CRISPLD2: variants seen among roughly 807,000 people sequenced by gnomAD.
CRISPLD2 encodes cysteine rich secretory protein LCCL domain containing 2.
In CRISPLD2, 47 loss-of-function variants were observed where a neutral mutation model predicts 71.1. That is an observed-to-expected ratio of 0.66 (90% CI 0.52 to 0.84). The LOEUF is 0.84. CRISPLD2 is among the 40% of genes least tolerant of loss of function. CRISPLD2 has a pLI of 0.00. For synonymous variants in CRISPLD2, 317 were observed against 250.1 expected, an observed-to-expected ratio of 1.27 and a Z score of -2.52; for missense variants, 830 against 651.1, an observed-to-expected ratio of 1.27 and a Z score of -2.99.
chr16:84,895,161 C>T lies in CRISPLD2; in HGVS notation c.1439+5798C>T, dbSNP rs1017019730. Among the ~76,000 whole-genome samples the T allele has an allele frequency of 3.9e-5, 6 of 152,180 alleles. No individual in the cohort carries two copies. In the South Asian group the frequency reaches 6.2e-4, roughly 16 times the overall value. ...CCTGCAAAGTAGGAACCGTCATTAT[C>T]CCTATTTTATCAGTAAAGGAAGGGA... On this transcript the variant is annotated intron_variant, in intron 14 of 14. Coordinates refer to ENST00000262424, the MANE Select transcript of CRISPLD2 (RefSeq NM_031476.4).
At position 84,838,688 on chromosome 16, in the gene CRISPLD2, A is replaced by C. The variant is rs762980753; in HGVS notation, c.193A>C (p.Lys65Gln). ...DKEEILMLHN[K>Q]LRGQVQPQAS... ...GGAGGAGATCCTCATGCTGCACAAC[A>C]AGCTTCGGGGCCAGGTGCAGCCTCA... The change falls in exon 2 of 15, where the codon AAG (lysine) becomes CAG (glutamine). Residue 65 changes from lysine to glutamine, a missense_variant. Lys to Gln is a moderately conservative substitution (Grantham distance 53). Transcript: ENST00000262424. 1 of 1,614,100 alleles carries C rather than the reference A, an allele frequency of 6.2e-7. No homozygotes were observed. Among genetic ancestry groups the C allele is most frequent in the Non-Finnish European group, 8.5e-7 (1 of 1,180,026 alleles).
chr16:84,889,137 C>A, intron 13 of CRISPLD2, 93 bp from the exon 14 acceptor site: 1 of 1,542,292 alleles, frequency 6.5e-7, no homozygotes, highest in Non-Finnish European at 8.9e-7. Flanking sequence ...TCCCACCAGC[C>A]AGGTTGCCCA....
At chr16:84,820,961 C>G (rs766760220) in intron 1 of CRISPLD2, among the ~76,000 whole-genome samples, 116 of 152,342 alleles carry the variant, frequency 7.6e-4, no homozygotes, top group Non-Finnish European at 1.5e-3. Context: ...CTTGCTAAGG[C>G]TGGGCTGGTG....
intron 1 of CRISPLD2, among the ~76,000 whole-genome samples, chr16:84,835,264 A>G (rs1000040452): frequency 6.6e-5 from 10 of 151,884 alleles, no homozygotes; most frequent in African/African-American, 2.4e-4. Flanking sequence ...CTGATTTTGT[A>G]TTTTTAGTAG....
At position 84,866,903 on chromosome 16, in the gene CRISPLD2, C is replaced by G. The variant is rs1288623236; in HGVS notation, c.716C>G (p.Thr239Ser). Reference sequence around the variant, plus strand: ...CTCCCTCTCCAATGTTAAGAAGAAACCTACACTCCAAAACCTGAAACGGAC... The same window carrying G: ...CTCCCTCTCCAATGTTAAGAAGAAAGCTACACTCCAAAACCTGAAACGGAC... ...CRNNLCYREETYTPKPETDEM... is the reference protein window; with the variant it reads ...CRNNLCYREESYTPKPETDEM... The change falls in exon 7 of 15, where the codon ACC (threonine) becomes AGC (serine). Residue 239 changes from threonine to serine, a missense_variant. By Grantham distance (58) the Thr-to-Ser change is moderately conservative. Transcript: ENST00000262424. The G allele has an allele frequency of 3.7e-6, 6 of 1,613,914 alleles. No homozygotes were observed. The highest frequency in any genetic ancestry group is 5.1e-6 in the Non-Finnish European group (6 of 1,179,888).
intron 5 of CRISPLD2, among the ~76,000 whole-genome samples, chr16:84,851,735 G>T (rs771932743): frequency 2.0e-5 from 3 of 152,236 alleles, no homozygotes; most frequent in Non-Finnish European, 4.4e-5. Flanking sequence ...TCCTGGCCCA[G>T]TGGCAGGTGG....
chr16:84,890,223 G>C (rs1488553724), intron 14 of CRISPLD2, among the ~76,000 whole-genome samples: 11 of 152,192 alleles, frequency 7.2e-5, no homozygotes, highest in Admixed American at 6.5e-4. Context: ...GCCAGGCGTG[G>C]TGGCACACGC....
chr16:84,855,065 G>C (rs745910928), intron 6 of CRISPLD2, among the ~76,000 whole-genome samples: 3 of 152,074 alleles, frequency 2.0e-5, no homozygotes, highest in African/African-American at 7.2e-5. Flanking sequence ...CTTCCCATGG[G>C]CATCTCCTGT....
intron 1 of CRISPLD2, among the ~76,000 whole-genome samples, chr16:84,833,267 T>C (rs1195479010): frequency 6.6e-6 from 1 of 152,170 alleles, no homozygotes; most frequent in Non-Finnish European, 1.5e-5. Flanking sequence ...GAAAGCTCTG[T>C]CCGTTCCCCT....
intron 7 of CRISPLD2, 103 bp from the exon 8 acceptor site, chr16:84,868,748 G>A: frequency 1.0e-6 from 1 of 978,844 alleles, no homozygotes; most frequent in Non-Finnish European, 1.6e-6. Context: ...GTATAGCACG[G>A]ATTGGATTGC....
At position 84,849,227 on chromosome 16, in the gene CRISPLD2, C is replaced by T. The variant is rs74250174; in HGVS notation, c.360-158C>T. On this transcript the variant is annotated intron_variant, in intron 3 of 14. Transcript: ENST00000262424. ...GGAATTGGGGGCTATTCCGCCTCCT[C>T]GGCCTCCCTCCCTCCCGGCTGCCCG... 5.0e-4 allele frequency: 356 copies of T among 715,540 alleles called. 3 individuals are homozygous for T. The East Asian group carries it at 8.5e-3, about 17-fold the overall frequency. 44.3% of individuals were successfully genotyped at this position (715,540 alleles called of 1,614,324 possible).
At chr16:84,845,633 G>GC (rs957676345) in intron 2 of CRISPLD2, among the ~76,000 whole-genome samples, 153 bp from the exon 3 acceptor site, 4 of 152,204 alleles carry the variant, frequency 2.6e-5, no homozygotes, top group East Asian at 1.9e-4. Context: ...GGCCTGCCAC[G>GC]CCCCCCTGGC....
chr16:84,864,769 C>T (rs901743196), intron 6 of CRISPLD2, among the ~76,000 whole-genome samples: 13 of 152,256 alleles, frequency 8.5e-5, no homozygotes, highest in African/African-American at 2.4e-4. Context: ...TCTGGAGGTT[C>T]GCAGCTGGTG....
intron 5 of CRISPLD2, 72 bp downstream of exon 5, chr16:84,850,755 A>C: frequency 1.6e-6 from 2 of 1,217,796 alleles, no homozygotes; most frequent in Non-Finnish European, 2.4e-6. Context: ...CACCCAGTGA[A>C]AACTGGCTTG....
At chr16:84,889,196 G>A (rs376804438) in intron 13 of CRISPLD2, 34 bp from the exon 14 acceptor site, 68 of 1,613,270 alleles carry the variant, frequency 4.2e-5, no homozygotes, top group Non-Finnish European at 5.7e-5. Flanking sequence ...GCTGGAATCC[G>A]CATCGCTGAT....
chr16:84,855,805 T>C (rs1917223979), intron 6 of CRISPLD2, among the ~76,000 whole-genome samples: 1 of 152,176 alleles, frequency 6.6e-6, no homozygotes, highest in South Asian at 2.1e-4. Context: ...ACAACCATCC[T>C]TCGTAAAACT....
At chr16:84,878,989 G>A (rs1776475368) in intron 12 of CRISPLD2, among the ~76,000 whole-genome samples, 1 of 152,146 alleles carries the variant, frequency 6.6e-6, no homozygotes, top group Non-Finnish European at 1.5e-5. Context: ...CCCTCATCCT[G>A]GGCTGGAGAC....
intron 14 of CRISPLD2, 62 bp downstream of exon 14, chr16:84,889,425 C>G (rs1242670475): frequency 1.3e-6 from 2 of 1,545,858 alleles, no homozygotes; most frequent in African/African-American, 1.4e-5. Context: ...CCTCAGGGGG[C>G]CTGGGAAGAG....
chr16:84,891,545 G>A (rs190804314), intron 14 of CRISPLD2, among the ~76,000 whole-genome samples: 2 of 152,328 alleles, frequency 1.3e-5, no homozygotes, highest in East Asian at 3.9e-4. Context: ...GGGAAATGAA[G>A]CAGCTGATTA....
Sources: allele counts gnomAD v4.1 joint callset (sites outside exome capture counted in the v4.1 genomes callset), GRCh38; gene constraint gnomAD v4.1.1; transcripts MANE v1.5; gene names NCBI Gene and HGNC (gene_info 2026-07-23, HGNC 2026-07-21).